The following PDE1A variants were observed in gnomAD, a reference collection of about 807,000 sequenced individuals.
PDE1A encodes phosphodiesterase 1A.
PDE1A carries 35 observed loss-of-function variants against 61.7 expected under a neutral mutation model. That is an observed-to-expected ratio of 0.57 (90% CI 0.43 to 0.75). The LOEUF (loss-of-function observed/expected upper bound fraction) is 0.75, where lower values mean the gene tolerates loss of function less well. Among genes scored for constraint, PDE1A ranks in the 30% least tolerant of loss-of-function variants. PDE1A has a pLI of 0.00. For missense variants in PDE1A, 597 were observed against 630.6 expected (o/e 0.95, Z 0.57); for synonymous variants, 232 against 213.2 (o/e 1.09, Z -0.77).
the PDE1A span, among the ~76,000 whole-genome samples, chr2:182,654,728 C>T: frequency 6.6e-6 from 1 of 152,186 alleles, no homozygotes; most frequent in African/African-American, 2.4e-5. Flanking sequence ...AATGAATGGG[C>T]TCTGGCTCTG....
At chr2:182,472,942 ATT>A in intron 2 of PDE1A, among the ~76,000 whole-genome samples, 1 of 69,474 alleles carries the variant, frequency 1.4e-5, no homozygotes, top group African/African-American at 5.5e-5. Flanking sequence ...AATTTTATTA[ATT>A]TTTTTTTTTT....
chr2:182,209,370 C>G (rs59215767), intron 7 of PDE1A, among the ~76,000 whole-genome samples: 1 of 151,618 alleles, frequency 6.6e-6, no homozygotes, highest in Admixed American at 6.6e-5. Context: ...TTATCTCCCA[C>G]TGGGTCTCTC....
At chr2:182,321,703 T>G (rs1696704249) in intron 1 of PDE1A, among the ~76,000 whole-genome samples, 1 of 152,132 alleles carries the variant, frequency 6.6e-6, no homozygotes, top group African/African-American at 2.4e-5. Flanking sequence ...AAATTATTCC[T>G]TTAGGACTTG....
chr2:182,448,252 T>C (rs1479808741), intron 2 of PDE1A, among the ~76,000 whole-genome samples: 1 of 152,118 alleles, frequency 6.6e-6, no homozygotes, highest in Non-Finnish European at 1.5e-5. Flanking sequence ...ACTCCTTTCT[T>C]CTTTATTTTA....
At chr2:182,333,191 G>C (rs1039672139) in intron 1 of PDE1A, among the ~76,000 whole-genome samples, 1 of 152,146 alleles carries the variant, frequency 6.6e-6, no homozygotes, top group South Asian at 2.1e-4. Flanking sequence ...AATTAACAAG[G>C]ACATTCGGGA....
chr2:182,158,236 C>T (rs1267368571), intron 13 of PDE1A, among the ~76,000 whole-genome samples: 1 of 152,136 alleles, frequency 6.6e-6, no homozygotes, highest in Non-Finnish European at 1.5e-5. Context: ...AGCAATTAGT[C>T]ACAAAGTACT....
At chr2:182,429,121 T>C (rs1238000098), upstream of PDE1A, among the ~76,000 whole-genome samples, 1 of 152,132 alleles carries the variant, frequency 6.6e-6, no homozygotes, top group Non-Finnish European at 1.5e-5. Context: ...GAAAGCACTA[T>C]ATTTAAAACC....
intron 2 of PDE1A, among the ~76,000 whole-genome samples, chr2:182,500,722 A>T (rs1689036051): frequency 6.6e-6 from 1 of 152,236 alleles, no homozygotes; most frequent in Non-Finnish European, 1.5e-5. Context: ...AAAACAGAAG[A>T]TTCCATTTCC....
intron 1 of PDE1A, among the ~76,000 whole-genome samples, chr2:182,419,343 T>G (rs2125571502): frequency 6.7e-6 from 1 of 150,100 alleles, no homozygotes; most frequent in South Asian, 2.1e-4. Flanking sequence ...TTTCTTTTTT[T>G]TTTTTTTTTT....
chr2:182,630,420 C>G, the PDE1A span, among the ~76,000 whole-genome samples: 1 of 152,120 alleles, frequency 6.6e-6, no homozygotes, highest in Admixed American at 6.6e-5. Flanking sequence ...CTCATCCATA[C>G]CAGGATCTAT....
chr2:182,183,130 A>G (rs1684908019), intron 13 of PDE1A, among the ~76,000 whole-genome samples: 1 of 152,194 alleles, frequency 6.6e-6, no homozygotes, highest in African/African-American at 2.4e-5. Flanking sequence ...GACACTTCTA[A>G]GCAAATTATA....
chr2:182,454,704 C>T lies in PDE1A; in HGVS notation c.101+67572G>A, dbSNP rs1418652964. ...TATTTAATAAATGGTGCTGGGAAAA[C>T]TGGCTAGCCATATGTAGAAAGCTGA... On this transcript the variant is annotated intron_variant, in intron 2 of 14. Coordinates refer to the PDE1A transcript ENST00000410103. Among the ~76,000 whole-genome samples, 3 of 151,898 alleles carry T rather than the reference C, an allele frequency of 2.0e-5. No homozygotes were observed. The East Asian group carries it at 5.8e-4, about 30-fold the overall frequency.
intron 1 of PDE1A, among the ~76,000 whole-genome samples, chr2:182,414,504 C>T (rs1014745782): frequency 6.6e-6 from 1 of 152,074 alleles, no homozygotes; most frequent in African/African-American, 2.4e-5. Flanking sequence ...GGTAGAACTC[C>T]TCAGGATAGC....
At chr2:182,345,689 T>C (rs1698477626) in intron 1 of PDE1A, among the ~76,000 whole-genome samples, 1 of 152,178 alleles carries the variant, frequency 6.6e-6, no homozygotes, top group East Asian at 1.9e-4. Flanking sequence ...TTGTTTCCTC[T>C]GCCAGGAATA....
At chr2:182,573,245 G>GT in the PDE1A span, among the ~76,000 whole-genome samples, 3 of 152,154 alleles carry the variant, frequency 2.0e-5, no homozygotes, top group Non-Finnish European at 4.4e-5. Context: ...CTGCTTTCAT[G>GT]TAACTGTTGG....
At chr2:182,247,059 G>T (rs1030260551) in intron 2 of PDE1A, among the ~76,000 whole-genome samples, 3 of 152,108 alleles carry the variant, frequency 2.0e-5, no homozygotes, top group African/African-American at 7.2e-5. Flanking sequence ...CAAATTTATT[G>T]CTGCTTATGC....
chr2:182,175,471 A>C (rs1389235428), intron 13 of PDE1A, among the ~76,000 whole-genome samples: 2 of 147,114 alleles, frequency 1.4e-5, no homozygotes, highest in Non-Finnish European at 3.0e-5. Flanking sequence ...TTTTGGCTGC[A>C]TAAATGTCTT....
the PDE1A span, among the ~76,000 whole-genome samples, chr2:182,699,455 A>G: frequency 6.6e-6 from 1 of 152,240 alleles, no homozygotes; most frequent in South Asian, 2.1e-4. Context: ...TACCAATAAC[A>G]TATTTTACAA....
chr2:182,307,033 T>C (rs1012362726), intron 1 of PDE1A, among the ~76,000 whole-genome samples: 7 of 152,144 alleles, frequency 4.6e-5, no homozygotes, highest in Non-Finnish European at 1.0e-4. Context: ...GGGAGAAATA[T>C]TTACAAGCAT....
Sources: gnomAD v4.1 joint callset for allele counts (sites outside exome capture counted in the v4.1 genomes callset) on GRCh38, gnomAD v4.1.1 for gene constraint, MANE v1.5 for transcripts, NCBI Gene and HGNC (gene_info 2026-07-23, HGNC 2026-07-21) for gene names.